ZDHHC14: variants seen among roughly 807,000 people sequenced by gnomAD.
ZDHHC14 encodes palmitoyltransferase ZDHHC14.
ZDHHC14 carries 16 observed loss-of-function variants against 47.7 expected under a neutral mutation model. The ratio of observed to expected loss-of-function variants is 0.34; its 90% CI spans 0.23 to 0.51. The LOEUF is 0.51. ZDHHC14 is among the 20% of genes least tolerant of loss of function. The pLI is 0.97. For synonymous variants in ZDHHC14, 293 were observed against 278.9 expected, an observed-to-expected ratio of 1.05 and a Z score of -0.50; for missense variants, 515 against 662.5, an observed-to-expected ratio of 0.78 and a Z score of 2.44.
At chr6:157,652,051 G>A (rs895406151) in intron 7 of ZDHHC14, among the ~76,000 whole-genome samples, 7 of 152,220 alleles carry the variant, frequency 4.6e-5, no homozygotes, top group African/African-American at 1.2e-4. Context: ...AGGGAGGGTT[G>A]CAAAGCTGGT....
chr6:157,441,168 A>G (rs1442620187), intron 1 of ZDHHC14, among the ~76,000 whole-genome samples: 1 of 152,126 alleles, frequency 6.6e-6, no homozygotes, highest in Admixed American at 6.5e-5. Flanking sequence ...TAGGAGGTGG[A>G]AGTCAGGGCA....
At position 157,628,200 on chromosome 6, in the gene ZDHHC14, T is replaced by C. The variant is rs185606645; in HGVS notation, c.566-149T>C. The C allele has an allele frequency of 1.9e-4, 158 of 825,952 alleles. No homozygotes were observed. In the Admixed American group the frequency reaches 3.0e-3, roughly 16 times the overall value. The allele number at this position is 825,952 out of a possible 1,614,324, so 51.2% of individuals were successfully genotyped here. A position where few individuals can be genotyped will look rare whatever the true frequency, so the allele number is the denominator to read the frequency against. On this transcript the variant is annotated intron_variant, in intron 3 of 8. Transcript: ENST00000359775. The stretch of plus-strand genomic sequence containing the variant: ...TTGAACTGTCTTGATGAGAAACATT[T>C]CTCTGAGTGGTTAATTTGGAAATAT...
intron 1 of ZDHHC14, among the ~76,000 whole-genome samples, chr6:157,508,533 T>C (rs1173907325): frequency 6.6e-6 from 1 of 152,000 alleles, no homozygotes; most frequent in Non-Finnish European, 1.5e-5. Context: ...GTCTGAGTAA[T>C]TTTTTTATTT....
intron 7 of ZDHHC14, among the ~76,000 whole-genome samples, chr6:157,650,206 G>A (rs1375088846): frequency 1.3e-5 from 2 of 152,230 alleles, no homozygotes; most frequent in Non-Finnish European, 1.5e-5. Flanking sequence ...GTAGGTCTAA[G>A]CTGTGAACTC....
chr6:157,468,644 GCCCTGC>G (rs956790608), intron 1 of ZDHHC14, among the ~76,000 whole-genome samples: 1 of 152,164 alleles, frequency 6.6e-6, no homozygotes, highest in African/African-American at 2.4e-5. Flanking sequence ...ATAGAAGGAG[GCCCTGC>G]TCTTTTGTGA....
intron 8 of ZDHHC14, among the ~76,000 whole-genome samples, chr6:157,664,965 G>A (rs976685486): frequency 1.6e-4 from 25 of 152,070 alleles, no homozygotes; most frequent in African/African-American, 1.7e-4. Flanking sequence ...CAGCTTTCTC[G>A]CACTCTGACC....
chr6:157,421,209 A>T (rs555952115), intron 1 of ZDHHC14, among the ~76,000 whole-genome samples: 3 of 151,968 alleles, frequency 2.0e-5, no homozygotes, highest in Admixed American at 6.6e-5. Context: ...GTCAAGATAG[A>T]AGCAAACTGC....
intron 1 of ZDHHC14, among the ~76,000 whole-genome samples, chr6:157,424,285 G>C: frequency 6.6e-6 from 1 of 152,248 alleles, no homozygotes; most frequent in East Asian, 1.9e-4. Context: ...TGCCAGTGGT[G>C]GTGAGAAATT....
chr6:157,634,080 C>G (rs753437721), intron 5 of ZDHHC14, among the ~76,000 whole-genome samples: 13 of 152,298 alleles, frequency 8.5e-5, no homozygotes, highest in Middle Eastern at 6.8e-3. Context: ...TTCGATACAT[C>G]TAAAAACAAA....
chr6:157,632,949 G>C, intron 5 of ZDHHC14, 67 bp downstream of exon 5: 1 of 1,516,590 alleles, frequency 6.6e-7, no homozygotes, highest in Non-Finnish European at 9.2e-7. Context: ...CCTTCTGTGC[G>C]CACACCTCCT....
chr6:157,552,615 G>A (rs1428819995), intron 2 of ZDHHC14, among the ~76,000 whole-genome samples: 1 of 152,134 alleles, frequency 6.6e-6, no homozygotes, highest in Non-Finnish European at 1.5e-5. Flanking sequence ...AGGTGTGGCG[G>A]GACCTGTTTG....
In ZDHHC14 at chr6:157,468,118, G is replaced by A. The variant is rs554063861; in HGVS notation, c.246-74467G>A. On this transcript the variant is annotated intron_variant, in intron 1 of 8. Transcript: ENST00000359775. ...AAAACTATAACCTAACAACTCCTGAGTTAGAGCAAAGGGCAGCACCAGGGA... is the reference window on the plus strand; with the variant it reads ...AAAACTATAACCTAACAACTCCTGAATTAGAGCAAAGGGCAGCACCAGGGA... 3.2e-4 allele frequency among the ~76,000 whole-genome samples: 48 copies of A among 152,306 alleles called. 1 individual carries two copies. Among genetic ancestry groups the A allele is most frequent in the Admixed American group, 3.9e-4 (6 of 15,296 alleles).
intron 1 of ZDHHC14, among the ~76,000 whole-genome samples, chr6:157,399,567 G>A (rs972057859): frequency 7.7e-4 from 118 of 152,328 alleles, no homozygotes; most frequent in Middle Eastern, 3.4e-3. Flanking sequence ...AGAATACAGA[G>A]CTCCTAGAAG....
intron 1 of ZDHHC14, among the ~76,000 whole-genome samples, chr6:157,388,238 G>A (rs986766195): frequency 1.3e-5 from 2 of 152,020 alleles, no homozygotes; most frequent in African/African-American, 4.8e-5. Context: ...ATAAAACTCT[G>A]AAGGATACTA....
intron 1 of ZDHHC14, among the ~76,000 whole-genome samples, chr6:157,505,476 A>G (rs947775913): frequency 5.3e-5 from 8 of 152,222 alleles, no homozygotes; most frequent in African/African-American, 1.9e-4. Flanking sequence ...CATCATCTCA[A>G]TGACAAAGAA....
chr6:157,571,128 A>G (rs1404500434), intron 2 of ZDHHC14, among the ~76,000 whole-genome samples: 1 of 152,222 alleles, frequency 6.6e-6, no homozygotes. Flanking sequence ...TCATGGAATC[A>G]TTTTTGAACA....
intron 1 of ZDHHC14, among the ~76,000 whole-genome samples, chr6:157,464,861 CG>C (rs1162425651): frequency 6.6e-6 from 1 of 152,180 alleles, no homozygotes; most frequent in Non-Finnish European, 1.5e-5. Flanking sequence ...AAATCTCTCT[CG>C]TACGTAGCTG....
At position 157,383,481 on chromosome 6, in the gene ZDHHC14, C is replaced by G. The variant is rs143602159; in HGVS notation, c.245+1215C>G. ...GCTCTAATTTTGTGCCTGGCTTTTG[C>G]TCTTCCAAATGCTGTCTCAATTGGA... On this transcript the variant is annotated intron_variant, in intron 1 of 8. Coordinates refer to ENST00000359775, the MANE Select transcript of ZDHHC14 (RefSeq NM_024630.3). Among the ~76,000 whole-genome samples, 10 of 152,308 alleles carry G rather than the reference C, an allele frequency of 6.6e-5. No homozygotes were observed. The East Asian group carries it at 1.7e-3, about 26-fold the overall frequency.
chr6:157,397,920 G>A (rs1777554225), intron 1 of ZDHHC14, among the ~76,000 whole-genome samples: 2 of 152,170 alleles, frequency 1.3e-5, no homozygotes, highest in African/African-American at 4.8e-5. Context: ...CCAGCACAAA[G>A]ACAGAGGCTT....
Sources: allele counts gnomAD v4.1 joint callset (sites outside exome capture counted in the v4.1 genomes callset), GRCh38; gene constraint gnomAD v4.1.1; transcripts MANE v1.5; gene names NCBI Gene and HGNC (gene_info 2026-07-23, HGNC 2026-07-21).